Variants in OLFM2 observed in about 807,000 individuals in gnomAD.
OLFM2 encodes the protein olfactomedin 2.
Under a neutral mutation model 43.9 loss-of-function variants are expected in OLFM2, and 20 were observed. The ratio of observed to expected loss-of-function variants is 0.46; its 90% CI spans 0.32 to 0.66. OLFM2 has a LOEUF of 0.66. Among genes scored for constraint, OLFM2 ranks in the 30% least tolerant of loss-of-function variants. OLFM2 has a pLI of 0.04. For synonymous variants in OLFM2, 268 were observed against 278.6 expected, an observed-to-expected ratio of 0.96 and a Z score of 0.38; for missense variants, 416 against 643.6, an observed-to-expected ratio of 0.65 and a Z score of 3.83.
At chr19:9,896,665 G>A (rs547212240) in intron 1 of OLFM2, among the ~76,000 whole-genome samples, 46 of 152,180 alleles carry the variant, frequency 3.0e-4, no homozygotes, top group Admixed American at 1.5e-3. Context: ...TTTCCTCTCT[G>A]CATCAGATCT....
In OLFM2 at chr19:9,901,427, AAAACAAACAAACAAAC is replaced by A. The variant is rs140596781; in HGVS notation, c.63+34861_63+34876del. Among the ~76,000 whole-genome samples, 9 of 151,724 alleles carry A rather than the reference AAAACAAACAAACAAAC, an allele frequency of 5.9e-5. No individual in the cohort carries two copies. The East Asian group carries it at 1.7e-3, about 29-fold the overall frequency. ...GGCGACAGAGTGAGACTCTGTCTCA[AAAACAAACAAACAAAC>A]AAACAAACAAACAAAAAACATAATG... On this transcript the variant is annotated intron_variant, in intron 1 of 5. Transcript: ENST00000264833.
intron 1 of OLFM2, among the ~76,000 whole-genome samples, chr19:9,910,000 T>C (rs565741726): frequency 1.2e-4 from 18 of 152,180 alleles, no homozygotes; most frequent in African/African-American, 4.3e-4. Context: ...TAGGGTTCAG[T>C]AGTGAGCAAA....
chr19:9,906,028 G>A (rs1201183148), intron 1 of OLFM2, among the ~76,000 whole-genome samples: 1 of 152,126 alleles, frequency 6.6e-6, no homozygotes, highest in Non-Finnish European at 1.5e-5. Flanking sequence ...TTACACGATG[G>A]GGCGTGCTTG....
intron 1 of OLFM2, 110 bp from the exon 2 acceptor site, chr19:9,860,904 C>T (rs895999267): frequency 2.0e-5 from 22 of 1,116,618 alleles, no homozygotes; most frequent in African/African-American, 1.1e-4. Flanking sequence ...TGCTGGGCTC[C>T]GGGCATATGC....
intron 1 of OLFM2, among the ~76,000 whole-genome samples, chr19:9,897,227 G>T (rs372452897): frequency 9.2e-5 from 14 of 152,060 alleles, no homozygotes; most frequent in East Asian, 7.7e-4. Flanking sequence ...TACTTGGGAG[G>T]CTGAGGCAGG....
Position 9,857,009 on chromosome 19 carries a change from G to A in OLFM2, c.581-96C>T, listed in dbSNP as rs570805387. On this transcript the variant is annotated intron_variant, in intron 4 of 5. Coordinates refer to ENST00000264833, the MANE Select transcript of OLFM2 (RefSeq NM_058164.4). The surrounding 1 kb of genome is among the most constrained non-coding windows in gnomAD (Gnocchi z 5.7). ...GTGCTGTGATCAAGTTGGGAAAGCTGGGACCAGGGATGAGGGAAGACTCAA... is the reference window on the plus strand; with the variant it reads ...GTGCTGTGATCAAGTTGGGAAAGCTAGGACCAGGGATGAGGGAAGACTCAA... 1.1e-5 allele frequency: 12 copies of A among 1,098,514 alleles called. No individual in the cohort carries two copies. The highest frequency in any genetic ancestry group is 4.0e-4 in the Middle Eastern group (2 of 4,940). The allele number at this position is 1,098,514 out of a possible 1,614,324, so 68.0% of individuals were successfully genotyped here. A position where few individuals can be genotyped will look rare whatever the true frequency, so the allele number is the denominator to read the frequency against.
intron 1 of OLFM2, among the ~76,000 whole-genome samples, chr19:9,932,829 G>A (rs1236126397): frequency 2.6e-5 from 4 of 152,152 alleles, no homozygotes; most frequent in Non-Finnish European, 4.4e-5. Flanking sequence ...GCTCAGAACT[G>A]TCAAGCTCTC....
In OLFM2 at chr19:9,854,113, G is replaced by T; in HGVS notation, c.*73C>A. 2 of 1,376,708 alleles carry T rather than the reference G, an allele frequency of 1.5e-6. No individual in the cohort carries two copies. Among genetic ancestry groups the T allele is most frequent in the South Asian group, 1.2e-5 (1 of 84,228 alleles). 85.3% of individuals were successfully genotyped at this position (1,376,708 alleles called of 1,614,324 possible). A position where few individuals can be genotyped will look rare whatever the true frequency, so the allele number is the denominator to read the frequency against. ...AGAGACAGAGAGATCACCCTTGAGG[G>T]ACACAGGCAGAATGAAAAGGGCCCC... On this transcript the variant is annotated 3_prime_UTR_variant, in exon 6 of 6. Coordinates refer to ENST00000264833, the MANE Select transcript of OLFM2 (RefSeq NM_058164.4). The surrounding 1 kb of genome is among the most constrained non-coding windows in gnomAD (Gnocchi z 9.5).
At chr19:9,855,802 C>T (rs1388560872) in intron 5 of OLFM2, among the ~76,000 whole-genome samples, 1 of 152,134 alleles carries the variant, frequency 6.6e-6, no homozygotes, top group Non-Finnish European at 1.5e-5. Flanking sequence ...TCCTAAAGTG[C>T]TGGGATTACA....
At chr19:9,858,073 G>A in intron 2 of OLFM2, 3 of 638,778 alleles carry the variant, frequency 4.7e-6, no homozygotes, top group East Asian at 2.8e-5. Flanking sequence ...GCTCCCATCT[G>A]GTCCACCTAC....
chr19:9,892,098 A>T (rs1356539244), intron 1 of OLFM2, among the ~76,000 whole-genome samples: 1 of 151,886 alleles, frequency 6.6e-6, no homozygotes, highest in East Asian at 1.9e-4. Context: ...TGTTTGTAAG[A>T]CTGTGATGTG....
At chr19:9,873,672 G>T (rs916606353) in intron 1 of OLFM2, among the ~76,000 whole-genome samples, 1 of 151,860 alleles carries the variant, frequency 6.6e-6, no homozygotes, top group South Asian at 2.1e-4. Context: ...CTGTCCCCCA[G>T]GCCGTGTCCC....
intron 1 of OLFM2, among the ~76,000 whole-genome samples, chr19:9,895,625 T>C (rs566467195): frequency 2.0e-5 from 3 of 152,214 alleles, no homozygotes; most frequent in African/African-American, 7.2e-5. Flanking sequence ...TGGGAAACTT[T>C]ATTTATTTTT....
Position 9,854,143 on chromosome 19 carries a change from C to T in OLFM2, c.*43G>A. 4 of 1,580,786 alleles carry T rather than the reference C, an allele frequency of 2.5e-6. No individual in the cohort carries two copies. The highest frequency in any genetic ancestry group is 2.2e-5 in the South Asian group (2 of 90,134). ...AGGCAGAATGAAAAGGGCCCCCAGCCCCCAGAGGCCCCCCAGGCAGCAGCC... is the reference window on the plus strand; with the variant it reads ...AGGCAGAATGAAAAGGGCCCCCAGCTCCCAGAGGCCCCCCAGGCAGCAGCC... On this transcript the variant is annotated 3_prime_UTR_variant, in exon 6 of 6. Transcript: ENST00000264833. This position sits in a 1 kb window ranked among gnomAD's most constrained non-coding sequence, Gnocchi z 9.5.
At chr19:9,888,456 G>A (rs1324719286) in intron 1 of OLFM2, among the ~76,000 whole-genome samples, 2 of 143,376 alleles carry the variant, frequency 1.4e-5, no homozygotes, top group East Asian at 2.1e-4. Flanking sequence ...CCTGGGGGGC[G>A]GAGGTTGCGG....
At chr19:9,913,620 C>T in intron 1 of OLFM2, 4 of 1,294,014 alleles carry the variant, frequency 3.1e-6, no homozygotes, top group African/African-American at 1.6e-5. Flanking sequence ...ACCGACATCG[C>T]GCCTCCGCCT....
At chr19:9,931,628 G>A (rs2086482338) in intron 1 of OLFM2, among the ~76,000 whole-genome samples, 2 of 148,040 alleles carry the variant, frequency 1.4e-5, no homozygotes. Context: ...TTGAGCCCGG[G>A]AGGCAGAGGT....
chr19:9,881,532 C>G (rs1041680074), intron 1 of OLFM2, among the ~76,000 whole-genome samples: 1 of 152,092 alleles, frequency 6.6e-6, no homozygotes. Flanking sequence ...AGTCAGAAGT[C>G]GAGGTGTCAG....
At chr19:9,881,341 G>A (rs1051272843) in intron 1 of OLFM2, among the ~76,000 whole-genome samples, 2 of 152,144 alleles carry the variant, frequency 1.3e-5, no homozygotes, top group African/African-American at 4.8e-5. Context: ...CCTATACAGT[G>A]ATGCCCTATA....
Sources: allele counts gnomAD v4.1 joint callset (sites outside exome capture counted in the v4.1 genomes callset), GRCh38; gene constraint gnomAD v4.1.1; non-coding constraint Gnocchi (gnomAD v3.1); transcripts MANE v1.5; gene names NCBI Gene and HGNC (gene_info 2026-07-23, HGNC 2026-07-21).